The following GRM5 variants were observed in gnomAD, a reference collection of about 807,000 sequenced individuals.
GRM5 encodes glutamate metabotropic receptor 5.
A neutral mutation model predicts 83.1 loss-of-function variants in GRM5; 19 were observed. The observed-to-expected ratio is 0.23, with a 90% confidence interval of 0.16 to 0.34. GRM5 has a LOEUF of 0.34. GRM5 is among the 10% of genes least tolerant of loss of function. The probability of loss-of-function intolerance (pLI) is 1.00; values close to 1 mark genes in which losing one functional copy is unlikely to be tolerated. For missense variants in GRM5, 1,160 were observed against 1,588.3 expected, an observed-to-expected ratio of 0.73 and a Z score of 4.58; for synonymous variants, 675 against 633.6, an observed-to-expected ratio of 1.07 and a Z score of -0.98.
At chr11:89,052,736 C>T (rs927939541) in intron 1 of GRM5, among the ~76,000 whole-genome samples, 5 of 152,092 alleles carry the variant, frequency 3.3e-5, no homozygotes, top group East Asian at 3.9e-4. Context: ...ACTGCTTGAG[C>T]GTTCCAAATC....
chr11:88,702,226 G>A (rs1941052796), intron 3 of GRM5, among the ~76,000 whole-genome samples: 1 of 152,014 alleles, frequency 6.6e-6, no homozygotes, highest in African/African-American at 2.4e-5. Flanking sequence ...CAAGGAATCT[G>A]CCTTATCTGA....
At chr11:88,931,149 T>A (rs1204408085) in intron 2 of GRM5, among the ~76,000 whole-genome samples, 1 of 151,920 alleles carries the variant, frequency 6.6e-6, no homozygotes, top group Non-Finnish European at 1.5e-5. Flanking sequence ...TTAAAACTTC[T>A]CCTGAAAATA....
intron 2 of GRM5, among the ~76,000 whole-genome samples, chr11:88,943,644 C>T (rs1012061377): frequency 1.3e-5 from 2 of 152,028 alleles, no homozygotes; most frequent in African/African-American, 2.4e-5. Flanking sequence ...GGACTTTACC[C>T]TTTCCTTCCC....
At chr11:88,895,938 ATAT>A (rs1198593508) in intron 2 of GRM5, among the ~76,000 whole-genome samples, 1 of 152,004 alleles carries the variant, frequency 6.6e-6, no homozygotes, top group Admixed American at 6.6e-5. Context: ...AGTTTTTATA[ATAT>A]TTTAGAAGAA....
rs562254098 is a variant in GRM5, at chr11:88,621,775, A to C, written c.1148-16811T>G. ...TAAAAATAATGAGCATGCTAAATGA[A>C]GATTCCATCTCTTATAATAAGCACT... On this transcript the variant is annotated intron_variant, in intron 4 of 9. Coordinates refer to ENST00000305447, the MANE Select transcript of GRM5 (RefSeq NM_001143831.3). Among the ~76,000 whole-genome samples, 38 of 152,326 alleles carry C rather than the reference A, an allele frequency of 2.5e-4. No individual in the cohort carries two copies. The East Asian group carries it at 5.0e-3, about 20-fold the overall frequency.
At chr11:88,778,923 G>T in intron 3 of GRM5, among the ~76,000 whole-genome samples, 1 of 152,162 alleles carries the variant, frequency 6.6e-6, no homozygotes, top group East Asian at 1.9e-4. Flanking sequence ...ACTCAAGGAA[G>T]ATCTTGGCCT....
intron 3 of GRM5, among the ~76,000 whole-genome samples, chr11:88,660,108 G>T (rs1245678913): frequency 1.3e-5 from 2 of 152,180 alleles, no homozygotes; most frequent in African/African-American, 4.8e-5. Flanking sequence ...AGTCCATTAG[G>T]CATGACCTGC....
intron 3 of GRM5, among the ~76,000 whole-genome samples, chr11:88,832,634 T>A (rs1006406612): frequency 2.6e-5 from 4 of 151,686 alleles, no homozygotes; most frequent in African/African-American, 9.7e-5. Context: ...TTATATGGAA[T>A]CAAAAAAGAG....
intron 3 of GRM5, among the ~76,000 whole-genome samples, chr11:88,833,363 C>T (rs941013019): frequency 2.0e-5 from 3 of 151,984 alleles, no homozygotes; most frequent in African/African-American, 4.8e-5. Flanking sequence ...GTATAAATGG[C>T]CGACAGGTAC....
At chr11:88,850,744 G>A (rs193065907) in intron 2 of GRM5, among the ~76,000 whole-genome samples, 4 of 151,894 alleles carry the variant, frequency 2.6e-5, no homozygotes, top group Admixed American at 6.6e-5. Flanking sequence ...GCAGGTGAAT[G>A]TGTAAACTTA....
At chr11:88,791,379 A>G (rs1490336721) in intron 3 of GRM5, among the ~76,000 whole-genome samples, 1 of 152,186 alleles carries the variant, frequency 6.6e-6, no homozygotes, top group Admixed American at 6.5e-5. Flanking sequence ...GAGAAGAGCA[A>G]CTTTGTCTTG....
chr11:88,568,618 C>T (rs561270234), intron 7 of GRM5, among the ~76,000 whole-genome samples: 170 of 151,966 alleles, frequency 1.1e-3, no homozygotes, highest in African/African-American at 3.9e-3. Context: ...TTTGTGTGTG[C>T]GTGTGTGTTT....
intron 4 of GRM5, among the ~76,000 whole-genome samples, chr11:88,614,813 C>T (rs1249485488): frequency 1.3e-5 from 2 of 152,178 alleles, no homozygotes; most frequent in Non-Finnish European, 2.9e-5. Flanking sequence ...TCCGTGGTCA[C>T]TCAGGCGGTA....
At chr11:89,020,488 T>G (rs1940955773) in intron 2 of GRM5, among the ~76,000 whole-genome samples, 1 of 152,166 alleles carries the variant, frequency 6.6e-6, no homozygotes, top group Non-Finnish European at 1.5e-5. Flanking sequence ...TAAAGATCAG[T>G]GGGTGCTGAC....
chr11:89,018,373 C>T (rs1221906643), intron 2 of GRM5, among the ~76,000 whole-genome samples: 1 of 152,020 alleles, frequency 6.6e-6, no homozygotes, highest in Non-Finnish European at 1.5e-5. Flanking sequence ...GTGGCGAGAT[C>T]CCTCAGTCAT....
intron 2 of GRM5, among the ~76,000 whole-genome samples, chr11:89,029,857 C>A (rs1941220226): frequency 6.6e-6 from 1 of 152,148 alleles, no homozygotes; most frequent in South Asian, 2.1e-4. Context: ...GTAGTAGACA[C>A]TAAGGAATGC....
rs11826310 is a variant in GRM5, at chr11:88,839,117, G to A, written c.911+10789C>T. On this transcript the variant is annotated intron_variant, in intron 3 of 9. Transcript: ENST00000305447. The stretch of plus-strand genomic sequence containing the variant: ...CATTTTTATGCATTTTATACTATTC[G>A]TAACCCTCTTTTCATTAATTAAATC... Among the ~76,000 whole-genome samples the A allele has an allele frequency of 4.6e-3, 706 of 151,904 alleles. 5 individuals carry two copies. The highest frequency in any genetic ancestry group is 0.027 in the Middle Eastern group (8 of 292).
At chr11:88,962,331 C>A (rs1475483776) in intron 2 of GRM5, among the ~76,000 whole-genome samples, 1 of 152,136 alleles carries the variant, frequency 6.6e-6, no homozygotes. Flanking sequence ...ATTCACGTAG[C>A]CATTCTTCAA....
intron 6 of GRM5, among the ~76,000 whole-genome samples, chr11:88,593,732 C>T (rs934148637): frequency 1.3e-5 from 2 of 148,772 alleles, no homozygotes; most frequent in African/African-American, 2.5e-5. Context: ...TTTCTTCCTT[C>T]CCTCCCTCCC....
Sources: gnomAD v4.1 joint callset for allele counts (sites outside exome capture counted in the v4.1 genomes callset) on GRCh38, gnomAD v4.1.1 for gene constraint, MANE v1.5 for transcripts, NCBI Gene and HGNC (gene_info 2026-07-23, HGNC 2026-07-21) for gene names.